Variants in AARS1 observed in about 807,000 individuals in gnomAD.
The protein encoded by AARS1 is alanyl-tRNA synthetase 1.
In AARS1, 72 loss-of-function variants were observed where a neutral mutation model predicts 108.9. That is an observed-to-expected ratio of 0.66 (90% confidence interval 0.55 to 0.80). The LOEUF (loss-of-function observed/expected upper bound fraction) is 0.80. Among genes scored for constraint, AARS1 ranks in the 30% least tolerant of loss-of-function variants. The probability of loss-of-function intolerance (pLI) is 0.00; values close to 1 mark genes in which losing one functional copy is unlikely to be tolerated. For missense variants in AARS1, 1,193 were observed against 1,233.2 expected (o/e 0.97, Z 0.49); for synonymous variants, 489 against 465.7 (o/e 1.05, Z -0.64).
Position 70,282,803 on chromosome 16 carries a change from AT to A in AARS1, c.-21-20del. ...CAAAGAACTAATCAAAGAAAAAAAA[AT>A]GAAGGAAAATTAAGGGAATTGAAAG... is the stretch of plus-strand genomic sequence containing the variant. On this transcript the variant is annotated intron_variant, in intron 1 of 20. Coordinates refer to ENST00000261772, the MANE Select transcript of AARS1 (RefSeq NM_001605.3). 1 of 1,610,794 alleles carries A rather than the reference AT, an allele frequency of 6.2e-7. No homozygotes were observed. Among genetic ancestry groups the A allele is most frequent in the East Asian group, 2.2e-5 (1 of 44,860 alleles).
At chr16:70,273,193 A>G (rs892541959) in intron 4 of AARS1, among the ~76,000 whole-genome samples, 1 of 152,140 alleles carries the variant, frequency 6.6e-6, no homozygotes, top group African/African-American at 2.4e-5. Flanking sequence ...GTTTCCAAGT[A>G]TAGTAAAAAG....
Position 70,252,671 on chromosome 16 carries a change from G to A in AARS1, c.*50C>T. ...TTCAAATGTTCTTGTAGCAGATGAA[G>A]AGCTCTTGGCTGGACGGATGGATCC... On this transcript the variant is annotated 3_prime_UTR_variant, in exon 21 of 21. Transcript: ENST00000261772. The A allele has an allele frequency of 6.3e-7, 1 of 1,595,510 alleles. No individual in the cohort carries two copies. The highest frequency in any genetic ancestry group is 8.6e-7 in the Non-Finnish European group (1 of 1,164,978).
At chr16:70,263,400 C>T (rs945115518) in intron 11 of AARS1, among the ~76,000 whole-genome samples, 1 of 151,864 alleles carries the variant, frequency 6.6e-6, no homozygotes, top group Non-Finnish European at 1.5e-5. Context: ...GGTGAAACCC[C>T]GTGTCCACTA....
At chr16:70,288,098 C>CTTTTTTTTT (rs34369477) in intron 1 of AARS1, among the ~76,000 whole-genome samples, 8 of 83,888 alleles carry the variant, frequency 9.5e-5, no homozygotes, top group East Asian at 3.8e-4. Context: ...TCCCCTTCTT[C>CTTTTTTTTT]TTTTTTTTTT....
Position 70,261,100 on chromosome 16 carries a change from C to T in AARS1, c.1729G>A (p.Gly577Arg). 1 of 1,613,926 alleles carries T rather than the reference C, an allele frequency of 6.2e-7. No individual in the cohort carries two copies. Among genetic ancestry groups the T allele is most frequent in the Non-Finnish European group, 8.5e-7 (1 of 1,179,888 alleles). ...QVRGGYVLHI[G>R]TIYGDLKVGD... ...ACTTTCAGGTCACCGTAGATGGTTC[C>T]AATGTGTAGCACATACCCTCCTCGG... Residue 577 changes from glycine (G) to arginine (R), a missense_variant, in exon 13 of 21, where the codon GGA (glycine) becomes AGA (arginine). Physicochemically the swap from Gly to Arg is moderately radical, Grantham distance 125. Transcript: ENST00000261772.
intron 12 of AARS1, 158 bp from the exon 13 acceptor site, chr16:70,261,315 G>T (rs1960126330): frequency 9.1e-6 from 5 of 552,202 alleles, no homozygotes; most frequent in African/African-American, 1.9e-5. Flanking sequence ...GATTAAATAG[G>T]CCAGGTGCAG....
At chr16:70,273,046 G>T (rs1418855283) in intron 4 of AARS1, among the ~76,000 whole-genome samples, 1 of 152,102 alleles carries the variant, frequency 6.6e-6, no homozygotes, top group Non-Finnish European at 1.5e-5. Context: ...AATTTTTACA[G>T]GTGTCACTAC....
At chr16:70,270,038 A>C (rs182798256) in intron 6 of AARS1, among the ~76,000 whole-genome samples, 158 bp downstream of exon 6, 2 of 152,218 alleles carry the variant, frequency 1.3e-5, no homozygotes, top group East Asian at 3.9e-4. Flanking sequence ...TAGAACACCA[A>C]TTTGTGGAGC....
At chr16:70,260,640 A>ACAACGT (rs151320426) in intron 13 of AARS1, among the ~76,000 whole-genome samples, 10,858 of 152,124 alleles carry the variant, frequency 0.071, 1,287 homozygotes, top group African/African-American at 0.25. Context: ...CGGTCTACTT[A>ACAACGT]CACTAGGGAG....
At position 70,261,118 on chromosome 16, in the gene AARS1, C is replaced by G; in HGVS notation, c.1711G>C (p.Gly571Arg). ...ATGGTTCCAATGTGTAGCACATACC[C>G]TCCTCGGACCTGAGCATTCTTCACT... is the stretch of plus-strand genomic sequence containing the variant. ...FTVKNAQVRG[G>R]YVLHIGTIYG... is the part of the protein sequence containing the mutation. The change falls in exon 13 of 21, where the codon GGG becomes CGG. Residue 571 changes from glycine to arginine, a missense_variant. Physicochemically the swap from Gly to Arg is moderately radical, Grantham distance 125. Coordinates refer to ENST00000261772, the MANE Select transcript of AARS1 (RefSeq NM_001605.3). 1 of 1,613,876 alleles carries G rather than the reference C, an allele frequency of 6.2e-7. No homozygotes were observed. Among genetic ancestry groups the G allele is most frequent in the Non-Finnish European group, 8.5e-7 (1 of 1,179,834 alleles).
At chr16:70,264,596 T>A (rs1340882661) in intron 11 of AARS1, among the ~76,000 whole-genome samples, 1 of 152,034 alleles carries the variant, frequency 6.6e-6, no homozygotes. Context: ...GGATTACAGG[T>A]GTGAGGCACA....
intron 1 of AARS1, among the ~76,000 whole-genome samples, chr16:70,284,430 G>A (rs920859214): frequency 6.7e-6 from 1 of 149,686 alleles, no homozygotes; most frequent in African/African-American, 2.5e-5. Flanking sequence ...GTGAAACCCC[G>A]TCTCTACTAA....
chr16:70,265,783 C>T, intron 9 of AARS1, 121 bp from the exon 10 acceptor site: 1 of 1,240,760 alleles, frequency 8.1e-7, no homozygotes, highest in Non-Finnish European at 1.1e-6. Flanking sequence ...CAGTATCGGC[C>T]CTGTGTGCCC....
At chr16:70,259,356 G>A (rs891272480) in intron 13 of AARS1, among the ~76,000 whole-genome samples, 170 bp from the exon 14 acceptor site, 1 of 152,084 alleles carries the variant, frequency 6.6e-6, no homozygotes, top group Non-Finnish European at 1.5e-5. Flanking sequence ...GACTAAGTTC[G>A]GGTCAAAAGG....
At chr16:70,262,226 G>C in intron 12 of AARS1, 120 bp downstream of exon 12, 1 of 1,258,870 alleles carries the variant, frequency 7.9e-7, no homozygotes, top group Non-Finnish European at 1.2e-6. Flanking sequence ...AAATACCATG[G>C]AACCCAACCC....
In AARS1 at chr16:70,265,102, G is replaced by A. The variant is rs767096851; in HGVS notation, c.1348C>T (p.Leu450=). 1.9e-6 allele frequency: 3 copies of A among 1,614,090 alleles called. No homozygotes were observed. Among genetic ancestry groups the A allele is most frequent in the Non-Finnish European group, 2.5e-6 (3 of 1,180,034 alleles). ...GFEEERKLAQ[L]KSQGKGAGGE... ...CCAGCTCCCTTGCCCTGTGATTTCAGCTGTCAGCAAGAGAAACAAGCATAA... is the reference window on the plus strand; with the variant it reads ...CCAGCTCCCTTGCCCTGTGATTTCAACTGTCAGCAAGAGAAACAAGCATAA... Residue 450 remains leucine, a splice_region_variant and synonymous_variant, in exon 11 of 21, where the codon CTG becomes TTG. Transcript: ENST00000261772.
At chr16:70,276,732 T>C in intron 3 of AARS1, 101 bp from the exon 4 acceptor site, 1 of 1,368,376 alleles carries the variant, frequency 7.3e-7, no homozygotes, top group Non-Finnish European at 1.0e-6. Flanking sequence ...TCACAACATG[T>C]TCACTCTAAA....
intron 1 of AARS1, among the ~76,000 whole-genome samples, 175 bp downstream of exon 1, chr16:70,289,246 G>A (rs890514688): frequency 2.0e-5 from 3 of 152,090 alleles, no homozygotes; most frequent in African/African-American, 2.4e-5. Flanking sequence ...CACTCGCAGC[G>A]CTCCCGGGGG....
At chr16:70,283,431 AAAAG>A (rs892786076) in intron 1 of AARS1, among the ~76,000 whole-genome samples, 1 of 152,146 alleles carries the variant, frequency 6.6e-6, no homozygotes, top group African/African-American at 2.4e-5. Flanking sequence ...AAAAAAGAAA[AAAAG>A]GGGGAGAAAA....
Sources: allele counts gnomAD v4.1 joint callset (sites outside exome capture counted in the v4.1 genomes callset), GRCh38; gene constraint gnomAD v4.1.1; transcripts MANE v1.5; gene names NCBI Gene and HGNC (gene_info 2026-07-23, HGNC 2026-07-21).